The following PCCA variants were observed in gnomAD, a reference collection of about 807,000 sequenced individuals.
PCCA encodes the protein propionyl-CoA carboxylase subunit alpha, also known as propionyl-CoA carboxylase alpha chain, mitochondrial.
A neutral mutation model predicts 101.3 loss-of-function variants in PCCA; 74 were observed. That is an observed-to-expected ratio of 0.73 (90% CI 0.61 to 0.89). The LOEUF (loss-of-function observed/expected upper bound fraction) is 0.89. PCCA is among the 40% of genes least tolerant of loss of function. The pLI is 0.00. For synonymous variants in PCCA, 294 were observed against 313.6 expected (o/e 0.94, Z 0.66); for missense variants, 891 against 907.0 (o/e 0.98, Z 0.23).
chr13:100,100,184 C>T (rs974367698), intron 1 of PCCA, among the ~76,000 whole-genome samples: 31 of 152,176 alleles, frequency 2.0e-4, no homozygotes, highest in Admixed American at 3.3e-4. Flanking sequence ...ATGATTAGCT[C>T]AATGACTCAC....
chr13:100,115,786 A>G (rs1279718037), intron 4 of PCCA, among the ~76,000 whole-genome samples: 2 of 152,166 alleles, frequency 1.3e-5, no homozygotes, highest in East Asian at 3.8e-4. Flanking sequence ...GTAGTTTTAC[A>G]TTTTAGAGAC....
In PCCA at chr13:100,111,980, T is replaced by G; in HGVS notation, c.232-13T>G. ...GAATCACTATTAATAGACATTAATA[T>G]ATTTTAAAATAGGTTATTAGAACTT... On this transcript the variant is annotated splice_polypyrimidine_tract_variant and intron_variant, in intron 3 of 23. Transcript: ENST00000376285. 2 of 1,587,518 alleles carry G rather than the reference T, an allele frequency of 1.3e-6. No homozygotes were observed. The highest frequency in any genetic ancestry group is 1.7e-6 in the Non-Finnish European group (2 of 1,157,256).
chr13:100,500,377 C>A (rs1020225796), intron 21 of PCCA, among the ~76,000 whole-genome samples: 5 of 152,108 alleles, frequency 3.3e-5, no homozygotes, highest in South Asian at 2.1e-4. Flanking sequence ...ATTAAAGTTT[C>A]TTTTCAAGGA....
At chr13:100,258,975 A>C (rs139249700) in intron 9 of PCCA, among the ~76,000 whole-genome samples, 1 of 152,196 alleles carries the variant, frequency 6.6e-6, no homozygotes, top group African/African-American at 2.4e-5. Flanking sequence ...AAGTTGCTCT[A>C]TGTCCCTTAT....
At chr13:100,507,802 G>T (rs574537020) in intron 21 of PCCA, among the ~76,000 whole-genome samples, 1 of 151,180 alleles carries the variant, frequency 6.6e-6, no homozygotes, top group Admixed American at 6.6e-5. Context: ...GATTACAAGC[G>T]CCCACCACCA....
rs145410864 is a variant in PCCA at position 100,101,478 on chromosome 13, C to T, written c.106-1405C>T. Among the ~76,000 whole-genome samples, 357 of 152,166 alleles carry T rather than the reference C, an allele frequency of 2.3e-3. 4 individuals are homozygous for T. The highest frequency in any genetic ancestry group is 8.2e-3 in the African/African-American group (341 of 41,534). On this transcript the variant is annotated intron_variant, in intron 1 of 23. Transcript: ENST00000376285. ...TAATAGGGACACAGTAATAATTTCCCGTTCACAGTTCCTTCTTGTTCTTGG... is the reference window on the plus strand; with the variant it reads ...TAATAGGGACACAGTAATAATTTCCTGTTCACAGTTCCTTCTTGTTCTTGG...
intron 6 of PCCA, among the ~76,000 whole-genome samples, chr13:100,163,944 G>A (rs746373824): frequency 1.3e-5 from 2 of 151,984 alleles, no homozygotes; most frequent in Non-Finnish European, 2.9e-5. Flanking sequence ...ATTCTAGTTA[G>A]AGCTAATATG....
chr13:100,218,617 T>A (rs1384285528), intron 7 of PCCA, among the ~76,000 whole-genome samples: 1 of 152,214 alleles, frequency 6.6e-6, no homozygotes, highest in Non-Finnish European at 1.5e-5. Context: ...TCTTGTATAA[T>A]CCACTCCTCT....
chr13:100,436,457 G>A (rs369125942), intron 20 of PCCA, among the ~76,000 whole-genome samples: 6 of 152,168 alleles, frequency 3.9e-5, no homozygotes, highest in Non-Finnish European at 5.9e-5. Flanking sequence ...TTGACTGTCC[G>A]ATTTCCCATC....
chr13:100,465,411 A>G (rs1387269506), intron 21 of PCCA, among the ~76,000 whole-genome samples: 1 of 152,216 alleles, frequency 6.6e-6, no homozygotes, highest in Non-Finnish European at 1.5e-5. Context: ...TTCATAATAC[A>G]TACTTTTTTA....
At chr13:100,237,213 T>C (rs1023932848) in intron 8 of PCCA, 3 of 152,268 alleles carry the variant, frequency 2.0e-5, no homozygotes, top group Non-Finnish European at 4.4e-5. Flanking sequence ...AGCAGGTCTT[T>C]AGTGACCTGA....
intron 21 of PCCA, among the ~76,000 whole-genome samples, chr13:100,476,506 T>G (rs7318874): frequency 1.3e-5 from 2 of 152,126 alleles, no homozygotes; most frequent in African/African-American, 2.4e-5. Context: ...AGTCACTAGT[T>G]TGAAATTAGC....
chr13:100,410,110 T>C (rs1448311741), intron 19 of PCCA, among the ~76,000 whole-genome samples: 1 of 152,094 alleles, frequency 6.6e-6, no homozygotes, highest in Non-Finnish European at 1.5e-5. Flanking sequence ...TATGGCCAAA[T>C]TGGTTTGCTA....
chr13:100,475,149 G>C (rs1390015268), intron 21 of PCCA, among the ~76,000 whole-genome samples: 4 of 152,214 alleles, frequency 2.6e-5, no homozygotes, highest in Non-Finnish European at 5.9e-5. Context: ...TTGGGCTCAA[G>C]TGGTCCTCCT....
chr13:100,163,907 A>G (rs1434995032), intron 6 of PCCA, among the ~76,000 whole-genome samples: 3 of 151,714 alleles, frequency 2.0e-5, no homozygotes, highest in Admixed American at 1.3e-4. Context: ...TTTTTCTAGG[A>G]TTGCAATATC....
At chr13:100,528,565 A>G (rs2088063866) in intron 23 of PCCA, among the ~76,000 whole-genome samples, 1 of 152,232 alleles carries the variant, frequency 6.6e-6, no homozygotes, top group East Asian at 1.9e-4. Context: ...GCAGAAGGCA[A>G]TGAAATGGAT....
intron 13 of PCCA, among the ~76,000 whole-genome samples, chr13:100,301,818 A>G (rs931643856): frequency 1.3e-5 from 2 of 152,214 alleles, no homozygotes; most frequent in Admixed American, 1.3e-4. Flanking sequence ...GTATTTGTAG[A>G]TGGGGAAATA....
intron 21 of PCCA, among the ~76,000 whole-genome samples, chr13:100,464,118 A>G (rs748870569): frequency 6.6e-6 from 1 of 152,244 alleles, no homozygotes; most frequent in Non-Finnish European, 1.5e-5. Context: ...AAAATTAGAC[A>G]TGGAATACTT....
intron 16 of PCCA, among the ~76,000 whole-genome samples, chr13:100,310,673 TA>T (rs1399925800): frequency 1.3e-5 from 2 of 152,210 alleles, no homozygotes; most frequent in Non-Finnish European, 2.9e-5. Flanking sequence ...GTTTTATACT[TA>T]AATGAACATT....
Sources: gnomAD v4.1 joint callset for allele counts (sites outside exome capture counted in the v4.1 genomes callset) on GRCh38, gnomAD v4.1.1 for gene constraint, MANE v1.5 for transcripts, NCBI Gene and HGNC (gene_info 2026-07-23, HGNC 2026-07-21) for gene names.